The following PEX13 variants were observed in gnomAD, a reference collection of about 807,000 sequenced individuals.
PEX13 encodes the protein peroxisomal biogenesis factor 13, also known as peroxisome biogenesis factor 13.
A neutral mutation model predicts 34.5 loss-of-function variants in PEX13; 28 were observed. That is an observed-to-expected ratio of 0.81 (90% CI 0.60 to 1.11). The LOEUF is 1.11. Among genes scored for constraint, PEX13 ranks in the 50% most tolerant of loss-of-function variants. The pLI is 0.00. For synonymous variants in PEX13, 177 were observed against 175.1 expected, an observed-to-expected ratio of 1.01 and a Z score of -0.09; for missense variants, 550 against 491.0, an observed-to-expected ratio of 1.12 and a Z score of -1.13.
chr2:61,048,295 T>A (rs534099997), intron 3 of PEX13, among the ~76,000 whole-genome samples, 177 bp from the exon 4 acceptor site: 1 of 152,336 alleles, frequency 6.6e-6, no homozygotes, highest in East Asian at 1.9e-4. Context: ...AATAGAAGAA[T>A]GGACCCTAGA....
chr2:61,046,532 A>T (rs914913014), intron 3 of PEX13, among the ~76,000 whole-genome samples: 29 of 152,224 alleles, frequency 1.9e-4, no homozygotes. Context: ...TAACAATAAC[A>T]TGTTATTTAT....
intron 1 of PEX13, chr2:61,019,165 A>G (rs1680192128): frequency 6.6e-6 from 1 of 152,158 alleles, no homozygotes; most frequent in African/African-American, 2.4e-5. Context: ...TGCTATTTAT[A>G]TGCATTTTAT....
At chr2:61,029,498 A>G (rs1680416016) in intron 1 of PEX13, among the ~76,000 whole-genome samples, 1 of 152,238 alleles carries the variant, frequency 6.6e-6, no homozygotes, top group South Asian at 2.1e-4. Flanking sequence ...AAACTTGTAC[A>G]TAAATGGTCA....
chr2:61,030,347 A>G (rs1680430567), intron 1 of PEX13, among the ~76,000 whole-genome samples: 1 of 152,208 alleles, frequency 6.6e-6, no homozygotes, highest in Non-Finnish European at 1.5e-5. Context: ...TCAGCTGACA[A>G]CTGAGGGACA....
chr2:61,023,422 C>CACACACAT (rs1297021192), intron 1 of PEX13, among the ~76,000 whole-genome samples: 2 of 151,134 alleles, frequency 1.3e-5, no homozygotes, highest in Admixed American at 1.3e-4. Flanking sequence ...CACACACACA[C>CACACACAT]ACACACATAT....
chr2:61,027,218 G>C (rs1280533514), intron 1 of PEX13, among the ~76,000 whole-genome samples: 1 of 150,788 alleles, frequency 6.6e-6, no homozygotes, highest in Non-Finnish European at 1.5e-5. Flanking sequence ...CACGCCTGTA[G>C]TCCCAGCTAC....
chr2:61,033,249 C>G (rs1042946173), intron 2 of PEX13, among the ~76,000 whole-genome samples: 1 of 152,138 alleles, frequency 6.6e-6, no homozygotes, highest in Admixed American at 6.5e-5. Context: ...TTGGGGGCAT[C>G]AGTAATGATA....
chr2:61,022,439 G>A (rs1351853118), intron 1 of PEX13, among the ~76,000 whole-genome samples: 1 of 152,260 alleles, frequency 6.6e-6, no homozygotes, highest in Non-Finnish European at 1.5e-5. Context: ...AGTAATTGAA[G>A]ATCAAATTGA....
At chr2:61,032,406 AG>A (rs1359626695) in intron 2 of PEX13, among the ~76,000 whole-genome samples, 1 of 152,206 alleles carries the variant, frequency 6.6e-6, no homozygotes, top group Non-Finnish European at 1.5e-5. Context: ...ATTGGAAGGG[AG>A]GTGGTTTAAG....
rs1680447099 is a variant in PEX13, at chr2:61,031,416, T to C, written c.93-3T>C. On this transcript the variant is annotated splice_polypyrimidine_tract_variant and splice_region_variant and intron_variant, in intron 1 of 3. Transcript: ENST00000295030. ...AACTGTTTTGAATCTTTTTTGGTTT[T>C]AGATCTGCTGATTTGGGTCCTACTT... 1 of 1,612,966 alleles carries C rather than the reference T, an allele frequency of 6.2e-7. No homozygotes were observed. The highest frequency in any genetic ancestry group is 8.5e-7 in the Non-Finnish European group (1 of 1,179,042).
intron 1 of PEX13, among the ~76,000 whole-genome samples, chr2:61,022,308 GAATA>G (rs1224508254): frequency 6.6e-6 from 1 of 152,210 alleles, no homozygotes; most frequent in African/African-American, 2.4e-5. Context: ...TGGCTTACTA[GAATA>G]AACAGTGTAG....
intron 2 of PEX13, among the ~76,000 whole-genome samples, chr2:61,035,841 G>A (rs1680526039): frequency 6.6e-6 from 1 of 152,036 alleles, no homozygotes; most frequent in African/African-American, 2.4e-5. Flanking sequence ...AAATTAGCCG[G>A]GCGTGTTGGC....
chr2:61,021,352 A>T (rs1023141892), intron 1 of PEX13, among the ~76,000 whole-genome samples: 1 of 152,246 alleles, frequency 6.6e-6, no homozygotes, highest in Non-Finnish European at 1.5e-5. Flanking sequence ...AGCAACAAGC[A>T]GACCAGGAGA....
chr2:61,021,042 C>T lies in PEX13; in HGVS notation c.92+3191C>T, dbSNP rs150248063. Reference sequence around the variant, plus strand: ...CTGTTGAGACCATTGTATGTATTTTCGCTTTAGTATGAAAATGTGGGAATA... The same window carrying T: ...CTGTTGAGACCATTGTATGTATTTTTGCTTTAGTATGAAAATGTGGGAATA... On this transcript the variant is annotated intron_variant, in intron 1 of 3. Transcript: ENST00000295030. Among the ~76,000 whole-genome samples the T allele has an allele frequency of 1.1e-4, 17 of 152,198 alleles. 1 individual carries two copies. The East Asian group carries it at 2.1e-3, about 19-fold the overall frequency.
At chr2:61,038,213 C>A (rs1277268234) in intron 2 of PEX13, among the ~76,000 whole-genome samples, 1 of 152,164 alleles carries the variant, frequency 6.6e-6, no homozygotes, top group African/African-American at 2.4e-5. Context: ...TGAAACTATT[C>A]CAATTAATAG....
chr2:61,023,430 TA>T lies in PEX13; in HGVS notation c.92+5580del, dbSNP rs1680299242. ...ACACACACACACACACACACACACA[TA>T]TTTTTTTTTTCTTCCTGCTTAGTAT... On this transcript the variant is annotated intron_variant, in intron 1 of 3. Coordinates refer to ENST00000295030, the MANE Select transcript of PEX13 (RefSeq NM_002618.4). Among the ~76,000 whole-genome samples, 2 of 129,576 alleles carry T rather than the reference TA, an allele frequency of 1.5e-5. 1 individual carries two copies. Among genetic ancestry groups the T allele is most frequent in the Admixed American group, 1.6e-4 (2 of 12,670 alleles). The allele number at this position is 129,576 out of a possible 152,430, so 85.0% of individuals were successfully genotyped here.
intron 1 of PEX13, among the ~76,000 whole-genome samples, chr2:61,021,460 CAGGG>C (rs1438087154): frequency 2.8e-3 from 424 of 152,282 alleles, no homozygotes; most frequent in African/African-American, 9.5e-3. Context: ...AGCAGCCTGG[CAGGG>C]GGAGGGGAAT....
At position 61,051,886 on chromosome 2, in the gene PEX13, TTTC is replaced by T. The variant is rs1157752222; in HGVS notation, c.*3119_*3121del. 1 of 152,380 alleles carries T rather than the reference TTTC, an allele frequency of 6.6e-6. No homozygotes were observed. Among genetic ancestry groups the T allele is most frequent in the East Asian group, 1.9e-4 (1 of 5,336 alleles). 9.4% of individuals were successfully genotyped at this position (152,380 alleles called of 1,614,324 possible). ...AACACAGCTATCCTTTATCTTGTGC[TTTC>T]TTTAATAGAAAAATGAACAGAAACT... On this transcript the variant is annotated 3_prime_UTR_variant, in exon 4 of 4. Coordinates refer to ENST00000295030, the MANE Select transcript of PEX13 (RefSeq NM_002618.4).
At chr2:61,022,970 A>G (rs913276335) in intron 1 of PEX13, among the ~76,000 whole-genome samples, 12 of 152,042 alleles carry the variant, frequency 7.9e-5, no homozygotes, top group African/African-American at 2.9e-4. Context: ...TTTTGTATCA[A>G]AGTTTTATAG....
Sources: gnomAD v4.1 joint callset for allele counts (sites outside exome capture counted in the v4.1 genomes callset) on GRCh38, gnomAD v4.1.1 for gene constraint, MANE v1.5 for transcripts, NCBI Gene and HGNC (gene_info 2026-07-23, HGNC 2026-07-21) for gene names.